BRINP1: variants seen among roughly 807,000 people sequenced by gnomAD.
The protein encoded by BRINP1 is BMP/retinoic acid-inducible neural-specific protein 1.
BRINP1 carries 17 observed loss-of-function variants against 72.9 expected under a neutral mutation model. The ratio of observed to expected loss-of-function variants is 0.23; its 90% confidence interval spans 0.16 to 0.35. The LOEUF is 0.35. Among genes scored for constraint, BRINP1 ranks in the 10% least tolerant of loss-of-function variants. The pLI is 1.00. For synonymous variants in BRINP1, 418 were observed against 378.5 expected (o/e 1.10, Z -1.21); for missense variants, 850 against 1,001.6 (o/e 0.85, Z 2.04).
intron 1 of BRINP1, among the ~76,000 whole-genome samples, chr9:119,345,865 G>A (rs1408283404): frequency 6.6e-6 from 1 of 152,110 alleles, no homozygotes; most frequent in Non-Finnish European, 1.5e-5. Context: ...ACTCTATGAG[G>A]TGGTTTTTTT....
In BRINP1 at chr9:119,167,407, C is replaced by A. The variant is rs756738437; in HGVS notation, c.1963G>T (p.Val655Leu). Residue 655 changes from valine (V) to leucine (L), a missense_variant, in exon 8 of 8, where the codon GTG becomes TTG. Physicochemically the swap from Val to Leu is conservative, Grantham distance 32. Coordinates refer to ENST00000265922, the MANE Select transcript of BRINP1 (RefSeq NM_014618.3). This position sits in a 1 kb window ranked among gnomAD's most constrained non-coding sequence, Gnocchi z 4.3. ...KRQFYIKISD[V>L]QVFGYSLRFN... ...CTCAGGCTATACCCAAACACCTGCACGTCTGAGATCTTGATGTAGAACTGC... is the reference window on the plus strand; with the variant it reads ...CTCAGGCTATACCCAAACACCTGCAAGTCTGAGATCTTGATGTAGAACTGC... The A allele has an allele frequency of 1.6e-5, 26 of 1,613,886 alleles. No homozygotes were observed. Among genetic ancestry groups the A allele is most frequent in the Non-Finnish European group, 2.0e-5 (24 of 1,179,972 alleles).
At chr9:119,293,075 A>C (rs528221718) in intron 2 of BRINP1, among the ~76,000 whole-genome samples, 9 of 152,316 alleles carry the variant, frequency 5.9e-5, no homozygotes, top group African/African-American at 1.7e-4. Flanking sequence ...TAGAATGTAC[A>C]TTCTGGACTG....
intron 7 of BRINP1, among the ~76,000 whole-genome samples, chr9:119,180,512 TG>T (rs1829544363): frequency 6.9e-6 from 1 of 144,664 alleles, no homozygotes; most frequent in South Asian, 2.1e-4. Flanking sequence ...TGTGTGTGTG[TG>T]TGTTAAAGAA....
chr9:119,196,689 A>G (rs1285111874), intron 7 of BRINP1, among the ~76,000 whole-genome samples: 1 of 152,188 alleles, frequency 6.6e-6, no homozygotes, highest in Non-Finnish European at 1.5e-5. Context: ...AAACCTGTGG[A>G]GGAGATATTA....
At chr9:119,208,665 T>C in intron 7 of BRINP1, 54 bp downstream of exon 7, 1 of 1,536,848 alleles carries the variant, frequency 6.5e-7, no homozygotes, top group Non-Finnish European at 9.0e-7. Context: ...AGCAAGATAA[T>C]GTAGCTAACG....
At chr9:119,262,221 AG>A (rs1830503179) in intron 2 of BRINP1, among the ~76,000 whole-genome samples, 1 of 152,216 alleles carries the variant, frequency 6.6e-6, no homozygotes, top group African/African-American at 2.4e-5. Context: ...CTCTCTAGCA[AG>A]CTAATTGCCC....
In BRINP1 at chr9:119,368,299, T is replaced by A. The variant is rs1831717008; in HGVS notation, c.-51+757A>T. On this transcript the variant is annotated intron_variant, in intron 1 of 7. Transcript: ENST00000265922. This position sits in a 1 kb window ranked among gnomAD's most constrained non-coding sequence, Gnocchi z 4.7. Reference sequence around the variant, plus strand: ...ACTATCCAGTGTCTCCAAATTCCCATCAGAATCTTGGAGTCTGCCCAGTGT... The same window carrying A: ...ACTATCCAGTGTCTCCAAATTCCCAACAGAATCTTGGAGTCTGCCCAGTGT... 6.6e-6 allele frequency among the ~76,000 whole-genome samples: 1 copy of A among 152,036 alleles called. No individual in the cohort carries two copies. Among genetic ancestry groups the A allele is most frequent in the Admixed American group, 6.5e-5 (1 of 15,270 alleles).
intron 7 of BRINP1, among the ~76,000 whole-genome samples, chr9:119,201,090 G>A (rs1829800858): frequency 6.6e-6 from 1 of 152,170 alleles, no homozygotes; most frequent in Admixed American, 6.5e-5. Flanking sequence ...AAAGCAGTAA[G>A]TAGTAACCAA....
At chr9:119,341,824 C>T (rs529537765) in intron 1 of BRINP1, among the ~76,000 whole-genome samples, 2 of 152,160 alleles carry the variant, frequency 1.3e-5, no homozygotes, top group African/African-American at 4.8e-5. Context: ...AGTGCAGTGG[C>T]GTGATCTCGG....
chr9:119,192,806 T>G (rs1829695721), intron 7 of BRINP1, among the ~76,000 whole-genome samples: 2 of 152,074 alleles, frequency 1.3e-5, no homozygotes, highest in Non-Finnish European at 1.5e-5. Flanking sequence ...CCATATTAAC[T>G]GCAATATTAT....
intron 5 of BRINP1, among the ~76,000 whole-genome samples, chr9:119,228,501 T>C (rs1830116563): frequency 6.6e-6 from 1 of 151,728 alleles, no homozygotes; most frequent in South Asian, 2.1e-4. Flanking sequence ...AAAATCATAC[T>C]GTAAATGAGG....
At chr9:119,222,715 G>A (rs1285470222) in intron 5 of BRINP1, among the ~76,000 whole-genome samples, 1 of 151,912 alleles carries the variant, frequency 6.6e-6, no homozygotes, top group Non-Finnish European at 1.5e-5. Flanking sequence ...AAATAGAAAG[G>A]ATTTATACTG....
intron 2 of BRINP1, among the ~76,000 whole-genome samples, chr9:119,267,102 T>C (rs1181322480): frequency 6.6e-6 from 1 of 152,208 alleles, no homozygotes; most frequent in Non-Finnish European, 1.5e-5. Context: ...TTCTTTTCTT[T>C]TAATTGACAC....
chr9:119,252,120 C>A (rs546159975), intron 2 of BRINP1, among the ~76,000 whole-genome samples: 1 of 152,156 alleles, frequency 6.6e-6, no homozygotes, highest in Admixed American at 6.5e-5. Context: ...CGCTGCCATG[C>A]TGTGAGATGC....
At chr9:119,355,940 T>C (rs573634917) in intron 1 of BRINP1, among the ~76,000 whole-genome samples, 4 of 152,290 alleles carry the variant, frequency 2.6e-5, no homozygotes, top group African/African-American at 4.8e-5. Flanking sequence ...ACTTTTTTTT[T>C]CCTCAAAAGC....
chr9:119,284,333 G>A (rs1830739851), intron 2 of BRINP1, among the ~76,000 whole-genome samples: 1 of 152,206 alleles, frequency 6.6e-6, no homozygotes, highest in Admixed American at 6.5e-5. Context: ...TCCCGCTGTG[G>A]GAGGCAATGT....
chr9:119,287,044 T>A lies in BRINP1; in HGVS notation c.218+26094A>T, dbSNP rs116018509. Among the ~76,000 whole-genome samples the A allele has an allele frequency of 8.1e-3, 1,218 of 151,210 alleles. 15 individuals are homozygous for A. Among genetic ancestry groups the A allele is most frequent in the African/African-American group, 0.029 (1,176 of 40,642 alleles). On this transcript the variant is annotated intron_variant, in intron 2 of 7. Transcript: ENST00000265922. ...TGAGGAATCAAAGGTAGAGAGAAAT[T>A]TGAGATAGAAGGAAAGAAAAAAAAA...
At chr9:119,241,910 A>C (rs1397580455) in intron 4 of BRINP1, 137 bp downstream of exon 4, 11 of 874,608 alleles carry the variant, frequency 1.3e-5, no homozygotes, top group Admixed American at 4.8e-5. Context: ...ATATCAGTCA[A>C]AGCAGCTGGC....
intron 2 of BRINP1, among the ~76,000 whole-genome samples, chr9:119,302,435 T>C (rs960871586): frequency 2.8e-4 from 42 of 152,322 alleles, no homozygotes; most frequent in African/African-American, 9.1e-4. Context: ...AAATACTTCA[T>C]TATTAAATTG....
Sources: allele counts gnomAD v4.1 joint callset (sites outside exome capture counted in the v4.1 genomes callset), GRCh38; gene constraint gnomAD v4.1.1; non-coding constraint Gnocchi (gnomAD v3.1); transcripts MANE v1.5; gene names NCBI Gene and HGNC (gene_info 2026-07-23, HGNC 2026-07-21).